Variants in RPTOR observed in about 807,000 individuals in gnomAD.
RPTOR encodes regulatory associated protein of MTOR complex 1.
A neutral mutation model predicts 169.9 loss-of-function variants in RPTOR; 21 were observed. That is an observed-to-expected ratio of 0.12 (90% confidence interval 0.09 to 0.18). The LOEUF (loss-of-function observed/expected upper bound fraction) is 0.18. Among genes scored for constraint, RPTOR ranks in the 10% least tolerant of loss-of-function variants. The probability of loss-of-function intolerance (pLI) is 1.00; values close to 1 mark genes in which losing one functional copy is unlikely to be tolerated. For missense variants in RPTOR, 1,133 were observed against 1,855.9 expected (o/e 0.61, Z 7.16); for synonymous variants, 732 against 753.2 (o/e 0.97, Z 0.46).
intron 2 of RPTOR, among the ~76,000 whole-genome samples, chr17:80,642,919 G>A (rs1051832323): frequency 2.0e-4 from 31 of 152,104 alleles, no homozygotes; most frequent in African/African-American, 7.0e-4. Flanking sequence ...CCAGAAATTC[G>A]CAAAAATATG....
intron 13 of RPTOR, among the ~76,000 whole-genome samples, chr17:80,876,208 G>A (rs1337095761): frequency 6.2e-5 from 6 of 97,132 alleles, no homozygotes; most frequent in Admixed American, 1.0e-4. Context: ...TCTTCCCACC[G>A]AACCCGTGCC....
chr17:80,613,370 G>C (rs886806826), intron 1 of RPTOR, among the ~76,000 whole-genome samples: 25 of 152,206 alleles, frequency 1.6e-4, no homozygotes, highest in Non-Finnish European at 2.9e-5. Flanking sequence ...GGAAGGGACA[G>C]GGCACATCTT....
chr17:80,838,834 G>T (rs1449873468), intron 10 of RPTOR, among the ~76,000 whole-genome samples: 1 of 152,204 alleles, frequency 6.6e-6, no homozygotes, highest in Non-Finnish European at 1.5e-5. Context: ...GGGCAAGTTT[G>T]GTCGTCTCCT....
chr17:80,867,864 G>A (rs746953625), intron 13 of RPTOR, among the ~76,000 whole-genome samples: 7 of 152,100 alleles, frequency 4.6e-5, no homozygotes, highest in Non-Finnish European at 7.4e-5. Flanking sequence ...AGAAATGAAG[G>A]AAGACCTAAA....
rs2065458014 is a variant in RPTOR at position 80,633,559 on chromosome 17, T to C, written c.265+7766T>C. Among the ~76,000 whole-genome samples the C allele has an allele frequency of 6.6e-6, 1 of 152,378 alleles. No homozygotes were observed. The highest frequency in any genetic ancestry group is 1.5e-5 in the Non-Finnish European group (1 of 68,038). ...GGCAGGAGCATCACGCAGAGCTGCC[T>C]GCTTCACGCGGGCTGCACCAGGTGA... is the stretch of plus-strand genomic sequence containing the variant. On this transcript the variant is annotated intron_variant, in intron 2 of 33. Coordinates refer to ENST00000306801, the MANE Select transcript of RPTOR (RefSeq NM_020761.3). The surrounding 1 kb of genome is among the most constrained non-coding windows in gnomAD (Gnocchi z 4.1).
At chr17:80,895,190 TCTGCTGGGCCCCAGC>T (rs2068382763) in intron 20 of RPTOR, among the ~76,000 whole-genome samples, 1 of 152,188 alleles carries the variant, frequency 6.6e-6, no homozygotes, top group Non-Finnish European at 1.5e-5. Context: ...TGCACCCAGC[TCTGCTGGGCCCCAGC>T]CTACCCGGCC....
At chr17:80,931,405 G>T (rs1023537669) in intron 24 of RPTOR, among the ~76,000 whole-genome samples, 1 of 152,174 alleles carries the variant, frequency 6.6e-6, no homozygotes, top group Non-Finnish European at 1.5e-5. Flanking sequence ...AGTGGTTTGC[G>T]CAAGGCTAAA....
rs149932432 is a variant in RPTOR, at chr17:80,805,151, C to T, written c.890+13642C>T. On this transcript the variant is annotated intron_variant, in intron 7 of 33. Transcript: ENST00000306801. ...TGGGATTTCAGCATCTTTTCAGAGACAGAAAGATCCAGATGAGCTCAGGAC... is the reference window on the plus strand; with the variant it reads ...TGGGATTTCAGCATCTTTTCAGAGATAGAAAGATCCAGATGAGCTCAGGAC... 437 of 152,318 alleles carry T rather than the reference C, an allele frequency of 2.9e-3. 3 individuals are homozygous for T. Among genetic ancestry groups the T allele is most frequent in the Non-Finnish European group, 4.4e-3 (296 of 68,034 alleles). The allele number at this position is 152,318 out of a possible 1,614,324, so 9.4% of individuals were successfully genotyped here.
At chr17:80,571,372 T>C (rs554849733) in intron 1 of RPTOR, among the ~76,000 whole-genome samples, 2 of 152,308 alleles carry the variant, frequency 1.3e-5, no homozygotes, top group African/African-American at 4.8e-5. Context: ...ATTCCATCAG[T>C]ATTTATAAAA....
intron 21 of RPTOR, among the ~76,000 whole-genome samples, chr17:80,915,838 A>G (rs1361685491): frequency 6.7e-6 from 1 of 150,110 alleles, no homozygotes; most frequent in Non-Finnish European, 1.5e-5. Context: ...GGAGTTACCC[A>G]CTCCAGGGTC....
chr17:80,807,452 G>A (rs2067229749), intron 7 of RPTOR, among the ~76,000 whole-genome samples: 1 of 152,104 alleles, frequency 6.6e-6, no homozygotes, highest in Admixed American at 6.5e-5. Flanking sequence ...CCAGGTTCAA[G>A]TGATTCTCCT....
chr17:80,910,112 C>T (rs900862044), intron 21 of RPTOR, among the ~76,000 whole-genome samples: 2 of 152,158 alleles, frequency 1.3e-5, no homozygotes, highest in African/African-American at 4.8e-5. Context: ...GAAGCTTTCC[C>T]CTCTCCAGTG....
chr17:80,695,598 A>G lies in RPTOR; in HGVS notation c.349-12243A>G, dbSNP rs1598230396. ...CAGCGTCTTCCCAAGCAGCTGTTTTACAGGAAACAAAGCAGGATGACCTTG... is the reference window on the plus strand; with the variant it reads ...CAGCGTCTTCCCAAGCAGCTGTTTTGCAGGAAACAAAGCAGGATGACCTTG... On this transcript the variant is annotated intron_variant, in intron 3 of 33. Transcript: ENST00000306801. This position sits in a 1 kb window ranked among gnomAD's most constrained non-coding sequence, Gnocchi z 4.9. Among the ~76,000 whole-genome samples the G allele has an allele frequency of 6.6e-6, 1 of 152,162 alleles. No individual in the cohort carries two copies. Among genetic ancestry groups the G allele is most frequent in the African/African-American group, 2.4e-5 (1 of 41,430 alleles).
chr17:80,546,699 C>G (rs1457739311), intron 1 of RPTOR, among the ~76,000 whole-genome samples: 1 of 152,104 alleles, frequency 6.6e-6, no homozygotes, highest in African/African-American at 2.4e-5. Flanking sequence ...TTTCTCTAGG[C>G]TTATGTATAT....
chr17:80,824,225 T>C (rs929736004), intron 9 of RPTOR, among the ~76,000 whole-genome samples: 1 of 152,232 alleles, frequency 6.6e-6, no homozygotes, highest in Admixed American at 6.5e-5. Context: ...ACTTGGACTT[T>C]AAACAGCAAA....
At chr17:80,923,238 G>T (rs150917921) in intron 22 of RPTOR, among the ~76,000 whole-genome samples, 1 of 152,170 alleles carries the variant, frequency 6.6e-6, no homozygotes, top group African/African-American at 2.4e-5. Flanking sequence ...CGTCCTGTCC[G>T]CGCCACCTCC....
At chr17:80,924,448 C>T (rs1038831926) in intron 23 of RPTOR, among the ~76,000 whole-genome samples, 7 of 152,130 alleles carry the variant, frequency 4.6e-5, no homozygotes, top group Non-Finnish European at 8.8e-5. Flanking sequence ...TTGCAGGATG[C>T]CCTGGAGCAG....
At chr17:80,946,591 G>A (rs1234859341) in intron 26 of RPTOR, among the ~76,000 whole-genome samples, 1 of 152,262 alleles carries the variant, frequency 6.6e-6, no homozygotes, top group African/African-American at 2.4e-5. Context: ...GGCCCTTTGT[G>A]CCTGGCTTAT....
At position 80,545,472 on chromosome 17, in the gene RPTOR, A is replaced by G; in HGVS notation, c.-158A>G. 3.6e-6 allele frequency: 2 copies of G among 560,180 alleles called. No homozygotes were observed. The highest frequency in any genetic ancestry group is 6.3e-6 in the Non-Finnish European group (2 of 319,732). The allele number at this position is 560,180 out of a possible 1,614,324, so 34.7% of individuals were successfully genotyped here. On this transcript the variant is annotated 5_prime_UTR_variant, in exon 1 of 34. Transcript: ENST00000306801. The stretch of plus-strand genomic sequence containing the variant: ...TCAGAGTTAGAGATAAGGATCTCAG[A>G]CTTTTGCCTGAGTAAGGGTCTCCGC...
Sources: allele counts gnomAD v4.1 joint callset (sites outside exome capture counted in the v4.1 genomes callset), GRCh38; gene constraint gnomAD v4.1.1; non-coding constraint Gnocchi (gnomAD v3.1); transcripts MANE v1.5; gene names NCBI Gene and HGNC (gene_info 2026-07-23, HGNC 2026-07-21).